CSMD3: variants seen among roughly 807,000 people sequenced by gnomAD.
The protein encoded by CSMD3 is CUB and sushi domain-containing protein 3.
Under a neutral mutation model 435.2 loss-of-function variants are expected in CSMD3, and 177 were observed. The observed-to-expected ratio is 0.41, with a 90% CI of 0.36 to 0.46. The LOEUF (loss-of-function observed/expected upper bound fraction) is 0.46. CSMD3 is among the 20% of genes least tolerant of loss of function. The pLI is 0.34. For synonymous variants in CSMD3, 1,656 were observed against 1,520.5 expected (o/e 1.09, Z -2.07); for missense variants, 4,265 against 4,504.6 (o/e 0.95, Z 1.52).
intron 27 of CSMD3, among the ~76,000 whole-genome samples, chr8:112,528,257 C>T (rs1825179941): frequency 1.3e-5 from 2 of 152,030 alleles, no homozygotes; most frequent in South Asian, 2.1e-4. Flanking sequence ...AACATCTATT[C>T]TAATGATTTA....
At chr8:113,237,568 T>C (rs530225463) in intron 3 of CSMD3, among the ~76,000 whole-genome samples, 27 of 152,266 alleles carry the variant, frequency 1.8e-4, no homozygotes, top group African/African-American at 6.5e-4. Context: ...TAGTTAGCAG[T>C]GATAGTAATT....
chr8:113,088,751 C>G (rs2089897253), intron 5 of CSMD3, among the ~76,000 whole-genome samples: 1 of 148,840 alleles, frequency 6.7e-6, no homozygotes, highest in African/African-American at 2.5e-5. Flanking sequence ...AGGAGATATA[C>G]CTAATGCTAA....
chr8:113,178,657 T>C (rs2092381383), intron 3 of CSMD3, among the ~76,000 whole-genome samples: 1 of 151,886 alleles, frequency 6.6e-6, no homozygotes, highest in African/African-American at 2.4e-5. Flanking sequence ...TTAATTGTGA[T>C]CTGAAAAGGA....
chr8:113,373,818 T>C (rs1048202631), intron 1 of CSMD3, among the ~76,000 whole-genome samples: 1 of 152,124 alleles, frequency 6.6e-6, no homozygotes, highest in Non-Finnish European at 1.5e-5. Context: ...CTAATTGATA[T>C]GCACTATGAT....
At chr8:112,528,671 G>A (rs547629828) in intron 27 of CSMD3, among the ~76,000 whole-genome samples, 2 of 152,220 alleles carry the variant, frequency 1.3e-5, no homozygotes, top group East Asian at 1.9e-4. Flanking sequence ...GAGAAATCCA[G>A]AAACTAAGTG....
intron 24 of CSMD3, among the ~76,000 whole-genome samples, chr8:112,568,767 A>C (rs182260724): frequency 3.2e-4 from 49 of 152,228 alleles, no homozygotes; most frequent in Admixed American, 3.2e-3. Flanking sequence ...TTCCTTTATA[A>C]ACACCCAAGA....
chr8:112,361,445 T>A (rs1194441705), intron 38 of CSMD3, among the ~76,000 whole-genome samples: 2 of 149,754 alleles, frequency 1.3e-5, no homozygotes, highest in Non-Finnish European at 3.0e-5. Flanking sequence ...AAACGTATTA[T>A]TTCCAATTCT....
At chr8:112,979,012 C>T (rs532844622) in intron 6 of CSMD3, among the ~76,000 whole-genome samples, 1 of 151,986 alleles carries the variant, frequency 6.6e-6, no homozygotes, top group South Asian at 2.1e-4. Flanking sequence ...CAAACAGTGA[C>T]ATGAATGAAG....
intron 24 of CSMD3, among the ~76,000 whole-genome samples, chr8:112,569,624 C>A (rs1376413027): frequency 6.6e-6 from 1 of 152,020 alleles, no homozygotes; most frequent in African/African-American, 2.4e-5. Context: ...GCTAACTCAA[C>A]AAAATAGATA....
chr8:113,007,755 T>C (rs1564202038), intron 6 of CSMD3, among the ~76,000 whole-genome samples: 1 of 151,946 alleles, frequency 6.6e-6, no homozygotes, highest in Non-Finnish European at 1.5e-5. Flanking sequence ...TATACCTAAC[T>C]GGAAAAACTA....
intron 59 of CSMD3, among the ~76,000 whole-genome samples, chr8:112,275,534 C>T (rs371736111): frequency 9.9e-5 from 15 of 151,756 alleles, no homozygotes; most frequent in South Asian, 2.1e-4. Context: ...GCAACAAGAG[C>T]GAAACTCCAT....
intron 3 of CSMD3, among the ~76,000 whole-genome samples, chr8:113,244,606 G>A (rs182506764): frequency 6.6e-5 from 10 of 152,192 alleles, no homozygotes; most frequent in Non-Finnish European, 1.5e-4. Context: ...GAGCCACCGC[G>A]CCTGGCCTAC....
intron 27 of CSMD3, among the ~76,000 whole-genome samples, chr8:112,549,460 C>A (rs916943566): frequency 6.6e-6 from 1 of 151,848 alleles, no homozygotes; most frequent in African/African-American, 2.4e-5. Flanking sequence ...TCATATAGTA[C>A]AAAATAATTT....
chr8:112,827,051 A>G (rs2079703777), intron 12 of CSMD3, among the ~76,000 whole-genome samples: 1 of 150,828 alleles, frequency 6.6e-6, no homozygotes, highest in Admixed American at 6.6e-5. Flanking sequence ...GGGATTGTAC[A>G]GACCACTCCT....
chr8:113,346,602 GTA>G lies in CSMD3; in HGVS notation c.179-31811_179-31810del, dbSNP rs539054581. On this transcript the variant is annotated intron_variant, in intron 1 of 70. Transcript: ENST00000297405. ...TTTTCAGGATGTAGCTGTGTTCTTT[GTA>G]TAGTTATGACTTTTGATCTCTGTAT... Among the ~76,000 whole-genome samples, 559 of 152,088 alleles carry G rather than the reference GTA, an allele frequency of 3.7e-3. 3 individuals carry two copies. Among genetic ancestry groups the G allele is most frequent in the African/African-American group, 0.012 (481 of 41,498 alleles).
At chr8:113,012,978 G>A (rs191313945) in intron 6 of CSMD3, among the ~76,000 whole-genome samples, 236 of 151,964 alleles carry the variant, frequency 1.6e-3, no homozygotes, top group African/African-American at 5.6e-3. Context: ...TATTAACAAC[G>A]GATATGGTGA....
At chr8:113,015,424 A>G (rs1022701626) in intron 6 of CSMD3, among the ~76,000 whole-genome samples, 9 of 152,146 alleles carry the variant, frequency 5.9e-5, no homozygotes, top group African/African-American at 1.9e-4. Context: ...AAGAAGAATC[A>G]CATACAAAAA....
intron 2 of CSMD3, among the ~76,000 whole-genome samples, chr8:113,301,046 T>C (rs2093762265): frequency 6.6e-6 from 1 of 152,064 alleles, no homozygotes; most frequent in South Asian, 2.1e-4. Context: ...AAACGTGATG[T>C]TGCTTAGGGA....
intron 17 of CSMD3, among the ~76,000 whole-genome samples, chr8:112,662,545 T>C (rs1317873851): frequency 1.3e-5 from 2 of 152,044 alleles, no homozygotes; most frequent in South Asian, 2.1e-4. Context: ...AAGACTTAAA[T>C]GTTAGACCTA....
Sources: allele counts gnomAD v4.1 joint callset (sites outside exome capture counted in the v4.1 genomes callset), GRCh38; gene constraint gnomAD v4.1.1; transcripts MANE v1.5; gene names NCBI Gene and HGNC (gene_info 2026-07-23, HGNC 2026-07-21).